The following FMN2 variants were observed in gnomAD, a reference collection of about 807,000 sequenced individuals.
The protein encoded by FMN2 is formin 2.
In FMN2, 51 loss-of-function variants were observed where a neutral mutation model predicts 142.3. That is an observed-to-expected ratio of 0.36 (90% CI 0.29 to 0.45). The LOEUF (loss-of-function observed/expected upper bound fraction) is 0.45. Among genes scored for constraint, FMN2 ranks in the 20% least tolerant of loss-of-function variants. The pLI, the probability that FMN2 is intolerant of heterozygous loss-of-function variation, is 1.00. For synonymous variants in FMN2, 882 were observed against 869.8 expected, an observed-to-expected ratio of 1.01 and a Z score of -0.25; for missense variants, 1,936 against 2,122.8, an observed-to-expected ratio of 0.91 and a Z score of 1.73.
At chr1:240,441,745 A>C (rs1675629499) in intron 16 of FMN2, among the ~76,000 whole-genome samples, 1 of 151,388 alleles carries the variant, frequency 6.6e-6, no homozygotes, top group Non-Finnish European at 1.5e-5. Flanking sequence ...TATAGCTCTC[A>C]CTTTCAGCAA....
intron 5 of FMN2, among the ~76,000 whole-genome samples, chr1:240,209,248 C>CTT (rs35230925): frequency 7.2e-6 from 1 of 138,620 alleles, no homozygotes; most frequent in South Asian, 2.3e-4. Flanking sequence ...TTCTTAAATC[C>CTT]TTTTTTTTTT....
At chr1:240,174,865 A>T (rs567400846) in intron 2 of FMN2, among the ~76,000 whole-genome samples, 1 of 152,290 alleles carries the variant, frequency 6.6e-6, no homozygotes, top group South Asian at 2.1e-4. Context: ...CACCTTAACC[A>T]TTTTAAGTGT....
intron 16 of FMN2, among the ~76,000 whole-genome samples, chr1:240,444,086 C>T (rs1188733798): frequency 6.6e-6 from 1 of 152,174 alleles, no homozygotes; most frequent in Non-Finnish European, 1.5e-5. Flanking sequence ...AGAACAACAT[C>T]ACTTCTCTGT....
At chr1:240,310,698 A>G (rs1192811429) in intron 8 of FMN2, among the ~76,000 whole-genome samples, 1 of 152,198 alleles carries the variant, frequency 6.6e-6, no homozygotes, top group Non-Finnish European at 1.5e-5. Flanking sequence ...TTGCTTCTGA[A>G]TCTTGAAATA....
chr1:240,335,839 G>A (rs1671535676), intron 13 of FMN2, among the ~76,000 whole-genome samples: 1 of 152,092 alleles, frequency 6.6e-6, no homozygotes, highest in African/African-American at 2.4e-5. Context: ...ACCAGATAGT[G>A]GGTTTGAAAA....
At chr1:240,154,345 C>G (rs1663924218) in intron 2 of FMN2, among the ~76,000 whole-genome samples, 1 of 152,120 alleles carries the variant, frequency 6.6e-6, no homozygotes, top group Non-Finnish European at 1.5e-5. Context: ...AGGCCCCATT[C>G]TAGAAAGGTG....
chr1:240,206,963 C>T lies in FMN2; in HGVS notation c.2151C>T (p.Ala717=), dbSNP rs201885010. The part of the protein sequence containing the change: ...GHQGLENGVT[A]SGDVCLEALR... ...AAGGGCTTGAGAATGGAGTGACAGC[C>T]TCAGGCGATGTCTGTCTCGAAGCTC... Residue 717 remains alanine, a synonymous_variant, in exon 5 of 18, where the codon GCC becomes GCT. Coordinates refer to ENST00000319653, the MANE Select transcript of FMN2 (RefSeq NM_020066.5). 2.7e-5 allele frequency: 43 copies of T among 1,614,164 alleles called. No individual in the cohort carries two copies. The East Asian group carries it at 4.9e-4, about 18-fold the overall frequency.
intron 14 of FMN2, among the ~76,000 whole-genome samples, chr1:240,364,470 A>C (rs1196919153): frequency 6.6e-5 from 10 of 152,142 alleles, no homozygotes; most frequent in Admixed American, 6.5e-4. Context: ...TGTAGTGACA[A>C]ATGATGATTC....
intron 7 of FMN2, among the ~76,000 whole-genome samples, chr1:240,267,797 A>G (rs917455835): frequency 6.6e-6 from 1 of 152,114 alleles, no homozygotes; most frequent in Non-Finnish European, 1.5e-5. Context: ...ACACTGAAGT[A>G]AATGTGAGCT....
At chr1:240,125,342 T>C (rs1662451982) in intron 2 of FMN2, among the ~76,000 whole-genome samples, 1 of 152,246 alleles carries the variant, frequency 6.6e-6, no homozygotes, top group African/African-American at 2.4e-5. Context: ...TGCTGCAATT[T>C]TTTAAAATGA....
chr1:240,205,562 T>C (rs368761919), intron 4 of FMN2, among the ~76,000 whole-genome samples: 2,482 of 149,248 alleles, frequency 0.017, 55 homozygotes, highest in African/African-American at 0.058. Context: ...CCCAGGTTCA[T>C]GCCATTCTCC....
intron 4 of FMN2, among the ~76,000 whole-genome samples, chr1:240,205,704 A>G (rs1322206928): frequency 6.8e-5 from 10 of 148,076 alleles, no homozygotes; most frequent in East Asian, 6.0e-4. Flanking sequence ...CTCGTGATCC[A>G]CCCGCCTCGG....
rs1158147688 is a variant in FMN2 at position 240,207,218 on chromosome 1, G to T, written c.2406G>T (p.Gln802His). 2 of 1,613,896 alleles carry T rather than the reference G, an allele frequency of 1.2e-6. No homozygotes were observed. Among genetic ancestry groups the T allele is most frequent in the Non-Finnish European group, 1.7e-6 (2 of 1,179,954 alleles). The change falls in exon 5 of 18, where the codon CAG becomes CAT. Residue 802 changes from glutamine to histidine, a missense_variant. Coordinates refer to ENST00000319653, the MANE Select transcript of FMN2 (RefSeq NM_020066.5). ...TATCAGTCCAGCTCGACAGCCATCA[G>T]CCCACACAGAGCATCTCACAGCCTC... Reference protein sequence around the residue: ...RRISVQLDSHQPTQSISQPPP... With the variant: ...RRISVQLDSHHPTQSISQPPP...
intron 3 of FMN2, chr1:240,179,202 C>A (rs1025278433): frequency 6.6e-6 from 1 of 152,178 alleles, no homozygotes; most frequent in Non-Finnish European, 1.5e-5. Context: ...TTATTTATTA[C>A]AATTATTATC....
At chr1:240,381,590 C>T (rs139867926) in intron 14 of FMN2, among the ~76,000 whole-genome samples, 2,602 of 152,114 alleles carry the variant, frequency 0.017, 66 homozygotes, top group African/African-American at 0.059. Context: ...CCACCATGCC[C>T]AACTAATTTT....
rs867564060 is a variant in FMN2 at position 240,113,194 on chromosome 1, G to A, written c.1616-9985G>A. 3.3e-5 allele frequency among the ~76,000 whole-genome samples: 5 copies of A among 152,130 alleles called. 1 individual carries two copies. The Middle Eastern group carries it at 0.01, about 310-fold the overall frequency. On this transcript the variant is annotated intron_variant, in intron 1 of 17. Coordinates refer to ENST00000319653, the MANE Select transcript of FMN2 (RefSeq NM_020066.5). ...TGACTGGGGGATACTGTGGTCATGG[G>A]GTGTGAAAGCCCGTGTCAGAGGGAA...
chr1:240,151,375 G>A (rs1371138433), intron 2 of FMN2, among the ~76,000 whole-genome samples: 1 of 152,110 alleles, frequency 6.6e-6, no homozygotes, highest in Admixed American at 6.6e-5. Flanking sequence ...GTTGGTGACA[G>A]ATCTTAAGGC....
chr1:240,251,994 C>T (rs563694633), intron 6 of FMN2, among the ~76,000 whole-genome samples: 5 of 152,212 alleles, frequency 3.3e-5, no homozygotes, highest in South Asian at 2.1e-4. Flanking sequence ...GTGCAACCTC[C>T]GCCTCCCGGG....
Position 240,258,676 on chromosome 1 carries a change from A to G in FMN2, c.4153+644A>G, listed in dbSNP as rs570499714. Among the ~76,000 whole-genome samples the G allele has an allele frequency of 3.9e-5, 6 of 152,306 alleles. No individual in the cohort carries two copies. In the East Asian group the frequency reaches 9.7e-4, roughly 25 times the overall value. Reference sequence around the variant, plus strand: ...CATTTTATAAATGGCTTTAGTGTCAATATTTTAATACTTGGATTCTACTGT... The same window carrying G: ...CATTTTATAAATGGCTTTAGTGTCAGTATTTTAATACTTGGATTCTACTGT... On this transcript the variant is annotated intron_variant, in intron 7 of 17. Transcript: ENST00000319653.
Sources: gnomAD v4.1 joint callset for allele counts (sites outside exome capture counted in the v4.1 genomes callset) on GRCh38, gnomAD v4.1.1 for gene constraint, MANE v1.5 for transcripts, NCBI Gene and HGNC (gene_info 2026-07-23, HGNC 2026-07-21) for gene names.